Variants in NT5C1A observed in about 807,000 individuals in gnomAD.
The protein encoded by NT5C1A is cytosolic 5'-nucleotidase 1A.
Under a neutral mutation model 31.0 loss-of-function variants are expected in NT5C1A, and 18 were observed. The ratio of observed to expected loss-of-function variants is 0.58; its 90% CI spans 0.40 to 0.86. NT5C1A has a LOEUF of 0.86. NT5C1A is among the 40% of genes least tolerant of loss of function. The pLI, the probability that NT5C1A is intolerant of heterozygous loss-of-function variation, is 0.00. For synonymous variants in NT5C1A, 185 were observed against 203.6 expected (o/e 0.91, Z 0.78); for missense variants, 470 against 505.4 (o/e 0.93, Z 0.67).
intron 1 of NT5C1A, among the ~76,000 whole-genome samples, chr1:39,666,824 T>C (rs1197456144): frequency 6.6e-6 from 1 of 152,194 alleles, no homozygotes; most frequent in Admixed American, 6.5e-5. Context: ...TAGCAAGGCT[T>C]AGAACCACTA....
Position 39,659,445 on chromosome 1 carries a change from C to A in NT5C1A, c.783G>T (p.Gln261His). The part of the protein sequence containing the change: ...KGFLEALGRL[Q>H]KKFYSKGLRL... ...GCAGGCCTTTGGAGTAGAACTTCTT[C>A]TGCAACCTACCCAGTGCCTCCAGAA... Residue 261 changes from glutamine (Q) to histidine (H), a missense_variant, in exon 6 of 6, where the codon CAG becomes CAT. Coordinates refer to ENST00000235628, the MANE Select transcript of NT5C1A (RefSeq NM_032526.3). The A allele has an allele frequency of 6.2e-7, 1 of 1,603,764 alleles. No homozygotes were observed. The highest frequency in any genetic ancestry group is 8.5e-7 in the Non-Finnish European group (1 of 1,173,522).
At chr1:39,664,490 C>CCTCCTCCTCCTCCTCTCCTCTCCT in intron 3 of NT5C1A, among the ~76,000 whole-genome samples, 1 of 2,900 alleles carries the variant, frequency 3.4e-4, no homozygotes, top group East Asian at 7.8e-3. Context: ...GTGGATTTCT[C>CCTCCTCCTCCTCCTCTCCTCTCCT]CTCCTCTCCT....
rs1317136827 is a variant in NT5C1A, at chr1:39,654,890, A to G, written c.*4231T>C. ...CTGCTGTTGCAGTGTGAAATCAGCC[A>G]TAAACATATGTAAACAAATGGGCAT... On this transcript the variant is annotated 3_prime_UTR_variant, in exon 6 of 6. Coordinates refer to ENST00000235628, the MANE Select transcript of NT5C1A (RefSeq NM_032526.3). Among the ~76,000 whole-genome samples, 1 of 152,252 alleles carries G rather than the reference A, an allele frequency of 6.6e-6. No individual in the cohort carries two copies. Among genetic ancestry groups the G allele is most frequent in the Non-Finnish European group, 1.5e-5 (1 of 68,048 alleles).
chr1:39,664,497 T>TCCTCTCCTCCCCTCCCCTCC (rs1646510280), intron 3 of NT5C1A, among the ~76,000 whole-genome samples: 1 of 1,824 alleles, frequency 5.5e-4, no homozygotes, highest in East Asian at 0.011. Flanking sequence ...TCTCCTCCTC[T>TCCTCTCCTCCCCTCCCCTCC]CCTCTCCTCT....
intron 1 of NT5C1A, among the ~76,000 whole-genome samples, chr1:39,667,571 G>T (rs180994249): frequency 2.0e-5 from 3 of 152,268 alleles, no homozygotes; most frequent in Admixed American, 2.0e-4. Context: ...TCATCCGTGG[G>T]TCATGTACTC....
Position 39,672,059 on chromosome 1 carries a change from C to T in NT5C1A, c.-21G>A, listed in dbSNP as rs375088027. ...TCCATGCTCCGGCTCTGACCCGGCC[C>T]GGCCAGAGCAGGCGGCGGCGTAGAC... On this transcript the variant is annotated 5_prime_UTR_variant, in exon 1 of 6. Transcript: ENST00000235628. The T allele has an allele frequency of 1.3e-6, 2 of 1,559,418 alleles. No homozygotes were observed. The highest frequency in any genetic ancestry group is 1.4e-5 in the African/African-American group (1 of 71,506).
At chr1:39,660,023 C>G (rs1299914688) in intron 5 of NT5C1A, among the ~76,000 whole-genome samples, 1 of 152,110 alleles carries the variant, frequency 6.6e-6, no homozygotes, top group African/African-American at 2.4e-5. Flanking sequence ...ATGAAGCTTC[C>G]TGAGGATGTG....
In NT5C1A at chr1:39,661,165, C is replaced by T; in HGVS notation, c.655G>A (p.Asp219Asn). The stretch of plus-strand genomic sequence containing the variant: ...GCCTTGACGATGCGCTCCGACTCGT[C>T]CGAGAAGAGCACGGCGTCCCCATCG... Reference protein sequence around the residue: ...AFDGDAVLFSDESERIVKAHG... With the variant: ...AFDGDAVLFSNESERIVKAHG... The change falls in exon 5 of 6, where the codon GAC becomes AAC. Residue 219 changes from aspartate (D) to asparagine (N), a missense_variant. Physicochemically the swap from Asp to Asn is conservative, Grantham distance 23 (BLOSUM62 1). Transcript: ENST00000235628. The T allele has an allele frequency of 6.2e-7, 1 of 1,605,910 alleles. No homozygotes were observed. The highest frequency in any genetic ancestry group is 1.1e-5 in the South Asian group (1 of 90,858).
intron 1 of NT5C1A, among the ~76,000 whole-genome samples, chr1:39,668,122 C>G (rs1646533055): frequency 6.6e-6 from 1 of 152,202 alleles, no homozygotes; most frequent in South Asian, 2.1e-4. Context: ...TGCTGACTAC[C>G]ACCATGTGTG....
chr1:39,671,231 C>CA (rs756577781), intron 1 of NT5C1A, among the ~76,000 whole-genome samples: 2 of 152,190 alleles, frequency 1.3e-5, no homozygotes, highest in African/African-American at 2.4e-5. Context: ...TGTGAGGTCC[C>CA]AGACGGTTGA....
At position 39,672,017 on chromosome 1, in the gene NT5C1A, C is replaced by T; in HGVS notation, c.22G>A (p.Glu8Lys). The change falls in exon 1 of 6, where the codon GAG (glutamate) becomes AAG (lysine). Residue 8 changes from glutamate to lysine, a missense_variant. Glu to Lys is a moderately conservative substitution (Grantham distance 56, BLOSUM62 1). Transcript: ENST00000235628. MEPGQPR[E>K]PQEPREPGPG... The stretch of plus-strand genomic sequence containing the variant: ...CCGGGCTCGCGGGGCTCCTGGGGCT[C>T]CCGGGGCTGCCCAGGTTCCATGCTC... 1 of 1,603,242 alleles carries T rather than the reference C, an allele frequency of 6.2e-7. No individual in the cohort carries two copies. Among genetic ancestry groups the T allele is most frequent in the African/African-American group, 1.3e-5 (1 of 74,798 alleles).
At position 39,652,654 on chromosome 1, in the gene NT5C1A, G is replaced by A. The variant is rs1460499294; in HGVS notation, c.*6467C>T. 6.6e-6 allele frequency among the ~76,000 whole-genome samples: 1 copy of A among 152,160 alleles called. No homozygotes were observed. Among genetic ancestry groups the A allele is most frequent in the African/African-American group, 2.4e-5 (1 of 41,426 alleles). On this transcript the variant is annotated 3_prime_UTR_variant, in exon 6 of 6. Coordinates refer to ENST00000235628, the MANE Select transcript of NT5C1A (RefSeq NM_032526.3). ...GCATATATTCACCCACAGGCCAGGAGTGTGGGAGTCAGTGACCCCAGTCTT... is the reference window on the plus strand; with the variant it reads ...GCATATATTCACCCACAGGCCAGGAATGTGGGAGTCAGTGACCCCAGTCTT...
chr1:39,666,355 A>G, intron 1 of NT5C1A, 119 bp from the exon 2 acceptor site: 2 of 946,444 alleles, frequency 2.1e-6, no homozygotes, highest in Non-Finnish European at 3.2e-6. Flanking sequence ...GTCTCTACCT[A>G]AAGAGGCCCA....
At position 39,653,896 on chromosome 1, in the gene NT5C1A, G is replaced by T. The variant is rs1570453469; in HGVS notation, c.*5225C>A. Among the ~76,000 whole-genome samples, 1 of 152,176 alleles carries T rather than the reference G, an allele frequency of 6.6e-6. No individual in the cohort carries two copies. Among genetic ancestry groups the T allele is most frequent in the Non-Finnish European group, 1.5e-5 (1 of 68,044 alleles). ...AGGATGAACATTCTGGGCCTTGCAT[G>T]CCTCTTGGATAGCAAAACCCAACAC... On this transcript the variant is annotated 3_prime_UTR_variant, in exon 6 of 6. Coordinates refer to ENST00000235628, the MANE Select transcript of NT5C1A (RefSeq NM_032526.3).
In NT5C1A at chr1:39,659,422, A is replaced by T; in HGVS notation, c.806T>A (p.Leu269Gln). 6.2e-7 allele frequency: 1 copy of T among 1,612,106 alleles called. No homozygotes were observed. Residue 269 changes from leucine to glutamine, a missense_variant, in exon 6 of 6, where the codon CTG (leucine) becomes CAG (glutamine). Coordinates refer to ENST00000235628, the MANE Select transcript of NT5C1A (RefSeq NM_032526.3). Reference sequence around the variant, plus strand: ...GGTACGAATTGGGCACTCCAGCCGCAGGCCTTTGGAGTAGAACTTCTTCTG... The same window carrying T: ...GGTACGAATTGGGCACTCCAGCCGCTGGCCTTTGGAGTAGAACTTCTTCTG... ...RLQKKFYSKG[L>Q]RLECPIRTYL...
Position 39,665,548 on chromosome 1 carries a change from G to A in NT5C1A, c.406C>T (p.Arg136Cys), listed in dbSNP as rs761103759. ...TAGTGGTTGATACTGTTGATGAGGC[G>A]GACACCCACTTGAGCATGGTTGTTA... ...MTNNHAQVGV[R>C]LINSINHYDL... Residue 136 changes from arginine (R) to cysteine (C), a missense_variant, in exon 3 of 6, where the codon CGC becomes TGC. Transcript: ENST00000235628. 3.1e-6 allele frequency: 5 copies of A among 1,613,278 alleles called. No individual in the cohort carries two copies. Among genetic ancestry groups the A allele is most frequent in the East Asian group, 4.5e-5 (2 of 44,868 alleles).
chr1:39,664,497 T>TCCCCTCC (rs1226546503), intron 3 of NT5C1A, among the ~76,000 whole-genome samples: 3 of 1,822 alleles, frequency 1.6e-3, no homozygotes, highest in African/African-American at 4.8e-3. Context: ...TCTCCTCCTC[T>TCCCCTCC]CCTCTCCTCT....
intron 2 of NT5C1A, 150 bp downstream of exon 2, chr1:39,665,919 A>G: frequency 1.3e-6 from 1 of 796,026 alleles, no homozygotes; most frequent in Admixed American, 2.9e-5. Context: ...TTTTCTTCCC[A>G]AAAGACTCTG....
intron 1 of NT5C1A, among the ~76,000 whole-genome samples, chr1:39,668,799 G>C (rs1646535836): frequency 6.6e-6 from 1 of 152,204 alleles, no homozygotes; most frequent in Non-Finnish European, 1.5e-5. Context: ...GCAGAATGGG[G>C]GTCCCAAGGG....
Sources: gnomAD v4.1 joint callset for allele counts (sites outside exome capture counted in the v4.1 genomes callset) on GRCh38, gnomAD v4.1.1 for gene constraint, MANE v1.5 for transcripts, NCBI Gene and HGNC (gene_info 2026-07-23, HGNC 2026-07-21) for gene names.